The following MED12L variants were observed in gnomAD, a reference collection of about 807,000 sequenced individuals.
The protein encoded by MED12L is mediator complex subunit 12L.
A neutral mutation model predicts 281.3 loss-of-function variants in MED12L; 60 were observed. That is an observed-to-expected ratio of 0.21 (90% CI 0.17 to 0.26). MED12L has a LOEUF of 0.26. Among genes scored for constraint, MED12L ranks in the 10% least tolerant of loss-of-function variants. MED12L has a pLI of 1.00. For synonymous variants in MED12L, 974 were observed against 987.2 expected (o/e 0.99, Z 0.25); for missense variants, 2,146 against 2,680.9 (o/e 0.80, Z 4.41).
chr3:151,363,682 A>C (rs1754905921), intron 21 of MED12L, among the ~76,000 whole-genome samples: 2 of 152,206 alleles, frequency 1.3e-5, no homozygotes, highest in Non-Finnish European at 2.9e-5. Context: ...CATTTAGTAG[A>C]TGACTTTAGT....
chr3:151,233,127 C>T (rs567059449), intron 16 of MED12L, among the ~76,000 whole-genome samples: 19 of 152,246 alleles, frequency 1.2e-4, no homozygotes, highest in Admixed American at 1.1e-3. Context: ...TTCCCCTCCT[C>T]CCCTGAACAT....
Position 151,313,573 on chromosome 3 carries a change from C to T in MED12L, c.2251-36486C>T, listed in dbSNP as rs567679139. Among the ~76,000 whole-genome samples the T allele has an allele frequency of 9.2e-5, 14 of 151,814 alleles. No individual in the cohort carries two copies. The East Asian group carries it at 2.1e-3, about 23-fold the overall frequency. On this transcript the variant is annotated intron_variant, in intron 16 of 44. Transcript: ENST00000687756. ...AAAAAATGCATGATAAGGCCAGGTG[C>T]GGTGGCTCACACCTGTAATCCCAGC...
At chr3:151,304,315 C>T (rs536598194) in intron 16 of MED12L, among the ~76,000 whole-genome samples, 1 of 152,310 alleles carries the variant, frequency 6.6e-6, no homozygotes, top group Non-Finnish European at 1.5e-5. Flanking sequence ...GTGGCTCATG[C>T]CTGTAATCCC....
chr3:151,355,020 C>G, intron 17 of MED12L, 101 bp from the exon 18 acceptor site: 1 of 807,472 alleles, frequency 1.2e-6, no homozygotes, highest in South Asian at 1.5e-5. Flanking sequence ...AATTTGTGCA[C>G]TTTTCTGTAT....
At chr3:151,292,540 G>A (rs905003687) in intron 16 of MED12L, among the ~76,000 whole-genome samples, 1 of 150,578 alleles carries the variant, frequency 6.6e-6, no homozygotes, top group East Asian at 2.0e-4. Context: ...CTAAGTGCTG[G>A]GATTACAGGT....
chr3:151,128,625 A>T (rs1428277575), intron 5 of MED12L, among the ~76,000 whole-genome samples: 1 of 151,974 alleles, frequency 6.6e-6, no homozygotes, highest in Non-Finnish European at 1.5e-5. Context: ...GAATATTTGC[A>T]TGCTTCTGTC....
At chr3:151,251,131 A>T (rs578096881) in intron 16 of MED12L, among the ~76,000 whole-genome samples, 2 of 152,128 alleles carry the variant, frequency 1.3e-5, no homozygotes, top group Admixed American at 1.3e-4. Flanking sequence ...CCTGAGCCCC[A>T]TGCTTTTGCC....
At chr3:151,209,433 C>T (rs1726826995) in intron 16 of MED12L, among the ~76,000 whole-genome samples, 1 of 152,132 alleles carries the variant, frequency 6.6e-6, no homozygotes, top group African/African-American at 2.4e-5. Context: ...GAAAGAAAAA[C>T]TACATTTTGT....
intron 43 of MED12L, among the ~76,000 whole-genome samples, chr3:151,427,796 C>G (rs1719040399): frequency 6.6e-6 from 1 of 152,152 alleles, no homozygotes; most frequent in African/African-American, 2.4e-5. Context: ...TTTTGTTGAT[C>G]TATTGCATAG....
chr3:151,092,797 C>G (rs1177499029), intron 2 of MED12L, among the ~76,000 whole-genome samples: 1 of 152,168 alleles, frequency 6.6e-6, no homozygotes, highest in South Asian at 2.1e-4. Flanking sequence ...ATTGGCTGGC[C>G]CCAGGCGCTG....
intron 43 of MED12L, among the ~76,000 whole-genome samples, chr3:151,426,962 A>G (rs186367540): frequency 6.6e-6 from 1 of 152,006 alleles, no homozygotes; most frequent in Non-Finnish European, 1.5e-5. Flanking sequence ...AACTACAGGC[A>G]TGCACCACCA....
At chr3:151,213,168 T>G in intron 16 of MED12L, 2 of 677,444 alleles carry the variant, frequency 3.0e-6, no homozygotes, top group South Asian at 5.0e-5. Flanking sequence ...ATATTTGAAT[T>G]TTATTGAACT....
chr3:151,301,887 A>G (rs568165016), intron 16 of MED12L, among the ~76,000 whole-genome samples: 1 of 152,390 alleles, frequency 6.6e-6, no homozygotes, highest in South Asian at 2.1e-4. Flanking sequence ...ATGACCCAGT[A>G]GTTCCACCTC....
At chr3:151,343,071 TCCTCAACC>T (rs1271033120) in intron 16 of MED12L, among the ~76,000 whole-genome samples, 2 of 152,038 alleles carry the variant, frequency 1.3e-5, no homozygotes, top group East Asian at 1.9e-4. Flanking sequence ...TCACACCCTC[TCCTCAACC>T]CCTCTCCCAC....
At position 151,383,936 on chromosome 3, in the gene MED12L, A is replaced by G. The variant is rs776243435; in HGVS notation, c.4790+48A>G. 10 of 1,528,652 alleles carry G rather than the reference A, an allele frequency of 6.5e-6. No individual in the cohort carries two copies. In the Admixed American group the frequency reaches 8.9e-5, roughly 14 times the overall value. 94.7% of individuals were successfully genotyped at this position (1,528,652 alleles called of 1,614,324 possible). A position where few individuals can be genotyped will look rare whatever the true frequency, so the allele number is the denominator to read the frequency against. On this transcript the variant is annotated intron_variant, in intron 34 of 44. Transcript: ENST00000687756. Reference sequence around the variant, plus strand: ...TGATTTTGCTACATGTATGCATGGTATAAGCTTTGATATACTGATGGCGAT... The same window carrying G: ...TGATTTTGCTACATGTATGCATGGTGTAAGCTTTGATATACTGATGGCGAT...
chr3:151,228,912 C>T (rs1731060745), intron 16 of MED12L, among the ~76,000 whole-genome samples: 1 of 152,184 alleles, frequency 6.6e-6, no homozygotes, highest in Non-Finnish European at 1.5e-5. Context: ...AATCCATGAC[C>T]TCTTTTCGCC....
At chr3:151,334,603 G>A (rs574826747) in intron 16 of MED12L, among the ~76,000 whole-genome samples, 86 of 152,088 alleles carry the variant, frequency 5.7e-4, no homozygotes, top group African/African-American at 1.7e-3. Context: ...GTGTTCAAGC[G>A]GTTCTCCTGC....
chr3:151,357,221 T>C lies in MED12L; in HGVS notation c.2670T>C (p.Asn890=). 6.2e-7 allele frequency: 1 copy of C among 1,601,588 alleles called. No individual in the cohort carries two copies. Among genetic ancestry groups the C allele is most frequent in the Non-Finnish European group, 8.5e-7 (1 of 1,174,904 alleles). The change falls in exon 20 of 45, where the codon AAT becomes AAC. Residue 890 remains asparagine (N), a synonymous_variant. Transcript: ENST00000687756. ...GLIDFAIQLL[N]ELSVVEAELL... is the part of the protein sequence containing the mutation. ...CTTTTCTCCTGTTACAGTTACTAAA[T>C]GAACTGAGTGTTGTGGAAGCTGAAC...
intron 16 of MED12L, among the ~76,000 whole-genome samples, chr3:151,287,709 T>A (rs373523913): frequency 1.3e-5 from 2 of 152,178 alleles, no homozygotes; most frequent in East Asian, 3.9e-4. Context: ...ATTTAAAGGT[T>A]TATTAAAAAG....
Sources: allele counts gnomAD v4.1 joint callset (sites outside exome capture counted in the v4.1 genomes callset), GRCh38; gene constraint gnomAD v4.1.1; transcripts MANE v1.5; gene names NCBI Gene and HGNC (gene_info 2026-07-23, HGNC 2026-07-21).